The following FER1L5 variants were observed in gnomAD, a reference collection of about 807,000 sequenced individuals.
FER1L5 encodes the protein fer-1-like protein 5.
FER1L5 carries 187 observed loss-of-function variants against 279.9 expected under a neutral mutation model. That is an observed-to-expected ratio of 0.67 (90% confidence interval 0.59 to 0.75). The LOEUF (loss-of-function observed/expected upper bound fraction) is 0.75, where lower values mean the gene tolerates loss of function less well. FER1L5 is among the 30% of genes least tolerant of loss of function. The pLI is 0.00. For missense variants in FER1L5, 2,091 were observed against 2,594.4 expected (o/e 0.81, Z 4.21); for synonymous variants, 921 against 989.7 (o/e 0.93, Z 1.30).
intron 17 of FER1L5, among the ~76,000 whole-genome samples, chr2:96,669,764 C>T (rs1361557809): frequency 1.3e-5 from 2 of 152,136 alleles, no homozygotes; most frequent in African/African-American, 4.8e-5. Context: ...AATTGTCCTC[C>T]TTAGGTCATG....
chr2:96,661,876 C>T (rs1055694565), intron 12 of FER1L5, 85 bp downstream of exon 12: 1 of 1,512,898 alleles, frequency 6.6e-7, no homozygotes, highest in African/African-American at 1.4e-5. Flanking sequence ...TTCCTCATTC[C>T]TTTTGGCACT....
intron 8 of FER1L5, chr2:96,654,135 G>T (rs560380971): frequency 5.4e-5 from 16 of 298,732 alleles, no homozygotes; most frequent in Non-Finnish European, 8.5e-5. Flanking sequence ...GGGAACAAAG[G>T]CACAGAGGAA....
In FER1L5 at chr2:96,698,647, C is replaced by A. The variant is rs780590621; in HGVS notation, c.4357-24C>A. The A allele has an allele frequency of 1.1e-5, 17 of 1,563,722 alleles. No homozygotes were observed. The highest frequency in any genetic ancestry group is 1.3e-5 in the Non-Finnish European group (15 of 1,152,102). ...AGCTGGCCAGCACTGCCAGGCTGGG[C>A]CCCCAACACCCTCCCCCCGCCAGGG... On this transcript the variant is annotated intron_variant, in intron 40 of 52. Coordinates refer to ENST00000624922, the MANE Select transcript of FER1L5 (RefSeq NM_001293083.2). The surrounding 1 kb of genome is among the most constrained non-coding windows in gnomAD (Gnocchi z 5.5).
chr2:96,680,370 C>T (rs966567201), intron 19 of FER1L5, among the ~76,000 whole-genome samples: 1 of 151,978 alleles, frequency 6.6e-6, no homozygotes, highest in Non-Finnish European at 1.5e-5. Context: ...ACTATATTTT[C>T]CCTTTGAAAA....
chr2:96,665,594 TC>T (rs2076099403), intron 14 of FER1L5, among the ~76,000 whole-genome samples: 1 of 151,840 alleles, frequency 6.6e-6, no homozygotes, highest in African/African-American at 2.4e-5. Flanking sequence ...CTGTTCATCT[TC>T]TTTGTTCATC....
chr2:96,676,999 G>A (rs547161975), intron 19 of FER1L5, among the ~76,000 whole-genome samples: 7 of 152,024 alleles, frequency 4.6e-5, no homozygotes, highest in Admixed American at 1.3e-4. Flanking sequence ...GTGCCACCAC[G>A]CCCAGCTAAT....
intron 9 of FER1L5, among the ~76,000 whole-genome samples, chr2:96,659,828 G>T (rs547362395): frequency 2.6e-5 from 4 of 152,152 alleles, no homozygotes; most frequent in Non-Finnish European, 5.9e-5. Context: ...CTGTGTTGCT[G>T]TATCTAAGAA....
intron 6 of FER1L5, among the ~76,000 whole-genome samples, chr2:96,650,912 C>G (rs997301889): frequency 6.6e-6 from 1 of 152,262 alleles, no homozygotes; most frequent in Non-Finnish European, 1.5e-5. Flanking sequence ...CCCCTCGCCA[C>G]TTCTGTTCCC....
rs1174635064 is a variant in FER1L5 at position 96,695,827 on chromosome 2, G to A, written c.3980G>A (p.Gly1327Asp). ...NWAFGQQTVT[G>D]QANIDFLQPY... The stretch of plus-strand genomic sequence containing the variant: ...GCCTTCGGCCAGCAGACCGTGACGG[G>A]CCAGGCCAACATCGACTTCCTCCAG... The change falls in exon 36 of 53, where the codon GGC becomes GAC. Residue 1327 changes from glycine (G) to aspartate (D), a missense_variant. Transcript: ENST00000624922. The A allele has an allele frequency of 6.2e-6, 10 of 1,612,970 alleles. No individual in the cohort carries two copies. Among genetic ancestry groups the A allele is most frequent in the Middle Eastern group, 1.6e-4 (1 of 6,084 alleles).
chr2:96,693,858 G>A (rs2077253074), intron 32 of FER1L5, 53 bp from the exon 33 acceptor site: 4 of 1,504,332 alleles, frequency 2.7e-6, no homozygotes, highest in Non-Finnish European at 3.6e-6. Flanking sequence ...AGCCCAGACA[G>A]AGCTGGGCCC....
Position 96,702,200 on chromosome 2 carries a change from C to T in FER1L5, c.5160-106C>T. 6.4e-7 allele frequency: 1 copy of T among 1,564,356 alleles called. No homozygotes were observed. Among genetic ancestry groups the T allele is most frequent in the Non-Finnish European group, 8.7e-7 (1 of 1,154,998 alleles). ...GAGCTTTCTTCCCCTGAATTCCCCA[C>T]ACTGAGCAAAAACACACAGGGCAGC... On this transcript the variant is annotated intron_variant, in intron 46 of 52. Coordinates refer to ENST00000624922, the MANE Select transcript of FER1L5 (RefSeq NM_001293083.2). This position sits in a 1 kb window ranked among gnomAD's most constrained non-coding sequence, Gnocchi z 4.0.
intron 9 of FER1L5, among the ~76,000 whole-genome samples, chr2:96,659,290 T>TTCCTTCCCTCC (rs1553449027): frequency 1.2e-5 from 1 of 80,942 alleles, no homozygotes; most frequent in East Asian, 3.2e-4. Flanking sequence ...TTTATCAAGC[T>TTCCTTCCCTCC]TTCCTTCCTT....
intron 14 of FER1L5, among the ~76,000 whole-genome samples, chr2:96,665,114 G>C (rs2106545697): frequency 6.6e-6 from 1 of 152,296 alleles, no homozygotes; most frequent in East Asian, 1.9e-4. Flanking sequence ...TTGACTCTAA[G>C]TCAGGCTTCT....
Position 96,704,784 on chromosome 2 carries a change from G to A in FER1L5, c.*92G>A, listed in dbSNP as rs141648345. ...TTTGTTTCTATCTTCTAGAATATAT[G>A]CAAGATGCTAGGAATATTCTGGCTA... On this transcript the variant is annotated 3_prime_UTR_variant, in exon 53 of 53. Transcript: ENST00000624922. 3.1e-5 allele frequency: 29 copies of A among 939,400 alleles called. No individual in the cohort carries two copies. The highest frequency in any genetic ancestry group is 2.5e-4 in the Middle Eastern group (1 of 4,038). 58.2% of individuals were successfully genotyped at this position (939,400 alleles called of 1,614,324 possible).
chr2:96,669,356 G>A (rs1015303169), intron 17 of FER1L5, among the ~76,000 whole-genome samples: 1 of 152,216 alleles, frequency 6.6e-6, no homozygotes, highest in Non-Finnish European at 1.5e-5. Flanking sequence ...CCCTGAGGAA[G>A]GGGCTTTGAG....
At chr2:96,673,048 A>G (rs2076385886) in intron 18 of FER1L5, 29 bp from the exon 19 acceptor site, 1 of 1,541,670 alleles carries the variant, frequency 6.5e-7, no homozygotes, top group Non-Finnish European at 8.8e-7. Context: ...TGTACTGGGT[A>G]TGGGGGGTGG....
At chr2:96,674,217 C>T (rs2076429001) in intron 19 of FER1L5, among the ~76,000 whole-genome samples, 1 of 152,076 alleles carries the variant, frequency 6.6e-6, no homozygotes, top group African/African-American at 2.4e-5. Context: ...AATCTTTCTT[C>T]TGTTTTTTGT....
chr2:96,702,116 C>T lies in FER1L5; in HGVS notation c.5159+73C>T, dbSNP rs2153312005. 1.3e-6 allele frequency: 2 copies of T among 1,582,210 alleles called. No homozygotes were observed. Among genetic ancestry groups the T allele is most frequent in the Non-Finnish European group, 1.7e-6 (2 of 1,156,356 alleles). Reference sequence around the variant, plus strand: ...TCCCCCAGTGCAGGGCACCACTGTCCTCAGGTACTGAGCTGCAGTAATTCG... The same window carrying T: ...TCCCCCAGTGCAGGGCACCACTGTCTTCAGGTACTGAGCTGCAGTAATTCG... On this transcript the variant is annotated intron_variant, in intron 46 of 52. Coordinates refer to ENST00000624922, the MANE Select transcript of FER1L5 (RefSeq NM_001293083.2). The surrounding 1 kb of genome is among the most constrained non-coding windows in gnomAD (Gnocchi z 4.0).
chr2:96,660,356 A>T lies in FER1L5; in HGVS notation c.763A>T (p.Ile255Phe). The T allele has an allele frequency of 6.4e-7, 1 of 1,551,698 alleles. No homozygotes were observed. Among genetic ancestry groups the T allele is most frequent in the South Asian group, 1.2e-5 (1 of 84,068 alleles). Reference protein sequence around the residue: ...IGRFQTDIGFIYHSPGHTLLR... With the variant: ...IGRFQTDIGFFYHSPGHTLLR... ...GTCTTTTCAGACAGATATTGGGTTT[A>T]TCTACCATTCTCCAGGTAGGTAATA... Residue 255 changes from isoleucine (I) to phenylalanine (F), a missense_variant, in exon 10 of 53, where the codon ATC becomes TTC. Ile to Phe is a conservative substitution (Grantham distance 21). Transcript: ENST00000624922.
Sources: gnomAD v4.1 joint callset for allele counts (sites outside exome capture counted in the v4.1 genomes callset) on GRCh38, gnomAD v4.1.1 for gene constraint, Gnocchi (gnomAD v3.1) non-coding constraint, MANE v1.5 for transcripts, NCBI Gene and HGNC (gene_info 2026-07-23, HGNC 2026-07-21) for gene names.